TIAM2: variants seen among roughly 807,000 people sequenced by gnomAD.
TIAM2 encodes the protein rho guanine nucleotide exchange factor TIAM2.
TIAM2 carries 80 observed loss-of-function variants against 152.9 expected under a neutral mutation model. The observed-to-expected ratio is 0.52, with a 90% CI of 0.44 to 0.63. The LOEUF (loss-of-function observed/expected upper bound fraction) is 0.63, where lower values mean the gene tolerates loss of function less well. TIAM2 is among the 30% of genes least tolerant of loss of function. TIAM2 has a pLI of 0.00. For synonymous variants in TIAM2, 804 were observed against 838.0 expected (o/e 0.96, Z 0.70); for missense variants, 1,965 against 2,120.1 (o/e 0.93, Z 1.44).
At chr6:155,148,553 C>T (rs1417168248) in intron 7 of TIAM2, among the ~76,000 whole-genome samples, 1 of 152,090 alleles carries the variant, frequency 6.6e-6, no homozygotes, top group Non-Finnish European at 1.5e-5. Flanking sequence ...TTTGGCGGCT[C>T]TATGTATATA....
At chr6:155,234,288 C>T (rs1190981979) in intron 15 of TIAM2, among the ~76,000 whole-genome samples, 1 of 152,152 alleles carries the variant, frequency 6.6e-6, no homozygotes, top group Admixed American at 6.5e-5. Flanking sequence ...TTATGATCAT[C>T]TGTCTTTTGC....
chr6:155,099,933 G>A (rs1464202272), intron 2 of TIAM2, among the ~76,000 whole-genome samples: 1 of 152,250 alleles, frequency 6.6e-6, no homozygotes, highest in Non-Finnish European at 1.5e-5. Context: ...AGTGAATACT[G>A]TAGGCAGTTG....
At chr6:155,109,230 C>G (rs536062139) in intron 2 of TIAM2, among the ~76,000 whole-genome samples, 3 of 152,076 alleles carry the variant, frequency 2.0e-5, no homozygotes, top group Non-Finnish European at 4.4e-5. Context: ...ATGATCCGCC[C>G]GCCTCGGCCT....
chr6:155,146,165 C>A (rs761593072), intron 6 of TIAM2, among the ~76,000 whole-genome samples: 1 of 151,880 alleles, frequency 6.6e-6, no homozygotes, highest in African/African-American at 2.4e-5. Flanking sequence ...TGGCTTGTGG[C>A]GAGGAGTTTG....
intron 9 of TIAM2, among the ~76,000 whole-genome samples, chr6:155,168,484 G>T (rs1780497703): frequency 6.6e-6 from 1 of 152,080 alleles, no homozygotes; most frequent in Non-Finnish European, 1.5e-5. Flanking sequence ...AGCCTCCTGA[G>T]TAGCTGGGAC....
At chr6:155,245,046 T>G (rs1350071280) in intron 18 of TIAM2, among the ~76,000 whole-genome samples, 1 of 152,232 alleles carries the variant, frequency 6.6e-6, no homozygotes. Context: ...ACGTGCTCTT[T>G]TCTCAGCTGC....
chr6:155,250,434 A>C lies in TIAM2; in HGVS notation c.3951+465A>C, dbSNP rs1375703650. On this transcript the variant is annotated intron_variant, in intron 21 of 26. Coordinates refer to ENST00000682666, the MANE Select transcript of TIAM2 (RefSeq NM_012454.4). ...AGAATCTTGTGCTTCTCAAGCCAGC[A>C]TGCAGGAAGTAGCATAGTTTAGGGA... is the stretch of plus-strand genomic sequence containing the variant. 6 of 860,636 alleles carry C rather than the reference A, an allele frequency of 7.0e-6. No individual in the cohort carries two copies. The African/African-American group carries it at 1.0e-4, about 15-fold the overall frequency. 53.3% of individuals were successfully genotyped at this position (860,636 alleles called of 1,614,324 possible). A position where few individuals can be genotyped will look rare whatever the true frequency, so the allele number is the denominator to read the frequency against.
intron 10 of TIAM2, among the ~76,000 whole-genome samples, chr6:155,177,827 A>G (rs1212531993): frequency 6.6e-6 from 1 of 152,188 alleles, no homozygotes; most frequent in African/African-American, 2.4e-5. Context: ...AATGTTCTAT[A>G]CCAATGATAT....
At chr6:155,247,972 C>T (rs1218931628) in intron 19 of TIAM2, 28 bp from the exon 20 acceptor site, 2 of 1,608,524 alleles carry the variant, frequency 1.2e-6, no homozygotes, top group Non-Finnish European at 1.7e-6. Context: ...CTGTGCTCTT[C>T]TGAGGTCTTT....
intron 26 of TIAM2, 113 bp downstream of exon 26, chr6:155,254,686 C>G (rs1217031893): frequency 2.3e-6 from 3 of 1,331,910 alleles, no homozygotes; most frequent in Non-Finnish European, 3.1e-6. Context: ...CATCGAGGTA[C>G]CTTTATCTCC....
chr6:155,185,946 A>G (rs1358650541), intron 14 of TIAM2, among the ~76,000 whole-genome samples: 1 of 152,200 alleles, frequency 6.6e-6, no homozygotes, highest in African/African-American at 2.4e-5. Flanking sequence ...CACCACAAAC[A>G]GAGGCTTTTC....
At chr6:155,148,063 T>A (rs368211421) in intron 6 of TIAM2, 47 bp from the exon 7 acceptor site, 2 of 1,596,328 alleles carry the variant, frequency 1.3e-6, no homozygotes, top group Admixed American at 1.7e-5. Context: ...GAGAGCACTT[T>A]AGTGGTAAAA....
intron 1 of TIAM2, among the ~76,000 whole-genome samples, chr6:155,072,675 A>C (rs192075973): frequency 6.6e-6 from 1 of 152,246 alleles, no homozygotes; most frequent in East Asian, 1.9e-4. Context: ...GAAGAAATAG[A>C]GTCTTGGTTG....
intron 7 of TIAM2, among the ~76,000 whole-genome samples, chr6:155,149,465 G>GA (rs1488247230): frequency 1.3e-5 from 2 of 151,824 alleles, no homozygotes; most frequent in Non-Finnish European, 2.9e-5. Context: ...GTTTCTTTAG[G>GA]AAAAAAAATT....
At chr6:155,200,876 C>T (rs1333322941) in intron 14 of TIAM2, among the ~76,000 whole-genome samples, 1 of 152,032 alleles carries the variant, frequency 6.6e-6, no homozygotes, top group African/African-American at 2.4e-5. Flanking sequence ...GCACACCAGC[C>T]TGGTGACAGA....
At chr6:155,118,653 T>A (rs1310390617) in intron 2 of TIAM2, among the ~76,000 whole-genome samples, 1 of 152,102 alleles carries the variant, frequency 6.6e-6, no homozygotes, top group African/African-American at 2.4e-5. Context: ...CAGGCTGGTC[T>A]CAAACTCCTG....
At position 155,217,232 on chromosome 6, in the gene TIAM2, C is replaced by G. The variant is rs78519645; in HGVS notation, c.3168+5925C>G. On this transcript the variant is annotated intron_variant, in intron 15 of 26. Coordinates refer to ENST00000682666, the MANE Select transcript of TIAM2 (RefSeq NM_012454.4). ...ACTGATATGCAGATGAGAAGAGATG[C>G]CTTTCTCCCCAGAAGGGATTCTGAC... 4.9e-3 allele frequency: 4,335 copies of G among 887,174 alleles called. 18 individuals carry two copies. The highest frequency in any genetic ancestry group is 6.0e-3 in the Non-Finnish European group (3,921 of 655,288). The allele number at this position is 887,174 out of a possible 1,614,324, so 55.0% of individuals were successfully genotyped here.
rs11963162 is a variant in TIAM2, at chr6:155,002,890, C to A, written c.-209+7398C>A. Among the ~76,000 whole-genome samples, 867 of 151,672 alleles carry A rather than the reference C, an allele frequency of 5.7e-3. 5 individuals carry two copies. The highest frequency in any genetic ancestry group is 0.034 in the Middle Eastern group (10 of 294). The stretch of plus-strand genomic sequence containing the variant: ...TTTTTTTTTAGTAGAGACAGGGTTT[C>A]ACCATGTTGACCAGGCTAGTCTCGA... On this transcript the variant is annotated intron_variant, in intron 1 of 26. Coordinates refer to ENST00000682666, the MANE Select transcript of TIAM2 (RefSeq NM_012454.4).
chr6:155,013,341 G>A (rs1032396067), intron 1 of TIAM2, among the ~76,000 whole-genome samples: 1 of 152,122 alleles, frequency 6.6e-6, no homozygotes, highest in African/African-American at 2.4e-5. Flanking sequence ...TTGATGTGGA[G>A]TTTTGTCTCT....
Sources: allele counts gnomAD v4.1 joint callset (sites outside exome capture counted in the v4.1 genomes callset), GRCh38; gene constraint gnomAD v4.1.1; transcripts MANE v1.5; gene names NCBI Gene and HGNC (gene_info 2026-07-23, HGNC 2026-07-21).